Variants in DACH2 observed in about 807,000 individuals in gnomAD.
The protein encoded by DACH2 is dachshund homolog 2.
Under a neutral mutation model 35.8 loss-of-function variants are expected in DACH2, and 17 were observed. The observed-to-expected ratio is 0.48, with a 90% CI of 0.33 to 0.71. DACH2 has a LOEUF of 0.71. Among genes scored for constraint, DACH2 ranks in the 30% least tolerant of loss-of-function variants. DACH2 has a pLI of 0.02. For missense variants in DACH2, 469 were observed against 472.7 expected (o/e 0.99, Z 0.07); for synonymous variants, 195 against 177.3 (o/e 1.10, Z -0.79).
At chrX:86,153,735 G>T (rs772230077) in intron 1 of DACH2, among the ~76,000 whole-genome samples, 40 of 111,522 alleles carry the variant, frequency 3.6e-4, no homozygotes, top group Admixed American at 1.8e-3. Flanking sequence ...AATGATGTCA[G>T]GATTATAATT....
chrX:86,312,129 G>C (rs1013369127), intron 1 of DACH2, among the ~76,000 whole-genome samples: 3 of 112,040 alleles, frequency 2.7e-5, no homozygotes, highest in Non-Finnish European at 3.8e-5. Flanking sequence ...TTATGTACCG[G>C]CTGCAGAAAC....
At chrX:86,811,958 AAG>A (rs749445048) in intron 7 of DACH2, among the ~76,000 whole-genome samples, 1 of 112,142 alleles carries the variant, frequency 8.9e-6, no homozygotes. Flanking sequence ...ATAAAAATAA[AAG>A]AGAGAATAGA....
At chrX:86,577,408 A>G (rs1245614300) in intron 3 of DACH2, among the ~76,000 whole-genome samples, 1 of 111,575 alleles carries the variant, frequency 9.0e-6, no homozygotes, top group Non-Finnish European at 1.9e-5. Context: ...AAATTTTAAC[A>G]TTTAAAATTT....
At chrX:86,408,587 T>C (rs1258820422) in intron 2 of DACH2, among the ~76,000 whole-genome samples, 2 of 112,288 alleles carry the variant, frequency 1.8e-5, no homozygotes, top group Non-Finnish European at 3.8e-5. Context: ...GTTGCTTCAA[T>C]TGGAAATTTG....
At chrX:86,203,472 A>G (rs1178489686) in intron 1 of DACH2, among the ~76,000 whole-genome samples, 1 of 111,136 alleles carries the variant, frequency 9.0e-6, no homozygotes, top group Non-Finnish European at 1.9e-5. Context: ...AAATTGACTT[A>G]TTTATTTTTT....
At chrX:86,802,091 A>C (rs1360951517) in intron 7 of DACH2, among the ~76,000 whole-genome samples, 1 of 112,137 alleles carries the variant, frequency 8.9e-6, no homozygotes, top group East Asian at 2.8e-4. Context: ...TAGTTAAAAA[A>C]TATATTGTGA....
At chrX:86,556,756 G>GTGTATA (rs2039125753) in intron 3 of DACH2, among the ~76,000 whole-genome samples, 1 of 25,452 alleles carries the variant, frequency 3.9e-5, no homozygotes, top group East Asian at 1.7e-3. Context: ...AATAGGATAT[G>GTGTATA]TATATATATA....
chrX:86,828,761 A>T (rs892004576), intron 11 of DACH2: 8 of 110,062 alleles, frequency 7.3e-5, no homozygotes, highest in Non-Finnish European at 1.3e-4. Context: ...AGATCTGACC[A>T]TTGGCTGGGG....
chrX:86,445,138 T>A (rs1156560554), intron 2 of DACH2, among the ~76,000 whole-genome samples: 1 of 110,614 alleles, frequency 9.0e-6, no homozygotes, highest in Non-Finnish European at 1.9e-5. Flanking sequence ...TATTTCCTTT[T>A]TTTGAAGCAA....
At chrX:86,550,220 G>A (rs1483234800) in intron 3 of DACH2, among the ~76,000 whole-genome samples, 2 of 111,265 alleles carry the variant, frequency 1.8e-5, no homozygotes, top group South Asian at 3.7e-4. Context: ...CATATGAAAA[G>A]TATTCAAGCC....
chrX:86,556,758 A>G (rs1213739197), intron 3 of DACH2, among the ~76,000 whole-genome samples: 23 of 9,074 alleles, frequency 2.5e-3, no homozygotes, highest in Admixed American at 2.6e-3. Flanking sequence ...TAGGATATGT[A>G]TATATATATA....
chrX:86,760,964 G>T (rs768105227), intron 7 of DACH2, among the ~76,000 whole-genome samples: 1 of 111,401 alleles, frequency 9.0e-6, no homozygotes, highest in Non-Finnish European at 1.9e-5. Context: ...CAGTAGTGTA[G>T]TTTCTGTGTG....
At chrX:86,734,635 TGATTGTA>T (rs984183181) in intron 6 of DACH2, among the ~76,000 whole-genome samples, 11 of 111,467 alleles carry the variant, frequency 9.9e-5, no homozygotes, top group African/African-American at 3.6e-4. Flanking sequence ...GGTAAATTGG[TGATTGTA>T]GAACACAGAC....
chrX:86,465,526 G>A (rs1171197714), intron 2 of DACH2, among the ~76,000 whole-genome samples: 2 of 111,714 alleles, frequency 1.8e-5, no homozygotes, highest in Non-Finnish European at 3.8e-5. Flanking sequence ...TGACAATCTG[G>A]AAAAGATGTA....
chrX:86,446,458 T>A (rs113861211), intron 2 of DACH2, among the ~76,000 whole-genome samples: 2 of 48,180 alleles, frequency 4.2e-5, no homozygotes, highest in African/African-American at 8.6e-5. Context: ...CCCGACCCCA[T>A]CACAGTCCCC....
At chrX:86,780,439 C>CAATAAA (rs1431812262) in intron 7 of DACH2, among the ~76,000 whole-genome samples, 1 of 111,731 alleles carries the variant, frequency 9.0e-6, no homozygotes, top group East Asian at 2.8e-4. Context: ...CTAAGGAATA[C>CAATAAA]AATAAAAATA....
chrX:86,466,494 G>C lies in DACH2; in HGVS notation c.528-47785G>C, dbSNP rs2037670781. Among the ~76,000 whole-genome samples the C allele has an allele frequency of 2.7e-5, 3 of 110,916 alleles. No individual in the cohort carries two copies. The Admixed American group carries it at 2.9e-4, about 11-fold the overall frequency. On this transcript the variant is annotated intron_variant, in intron 2 of 11. Coordinates refer to ENST00000373125, the MANE Select transcript of DACH2 (RefSeq NM_053281.3). ...TCCGAATCTCAGGTCTCCCACTTCA[G>C]AACCAATCATGCTTCCCAACAGTCC...
intron 7 of DACH2, among the ~76,000 whole-genome samples, chrX:86,748,389 C>T (rs1229362132): frequency 8.9e-6 from 1 of 111,824 alleles, no homozygotes; most frequent in South Asian, 3.7e-4. Context: ...TAACGAAACT[C>T]GAAAGTCAAA....
At chrX:86,405,494 A>C (rs187246768) in intron 2 of DACH2, among the ~76,000 whole-genome samples, 1 of 111,511 alleles carries the variant, frequency 9.0e-6, no homozygotes, top group South Asian at 3.8e-4. Flanking sequence ...CTCAGCCTGA[A>C]CCTTATTGTG....
Sources: gnomAD v4.1 joint callset for allele counts (sites outside exome capture counted in the v4.1 genomes callset) on GRCh38, gnomAD v4.1.1 for gene constraint, MANE v1.5 for transcripts, NCBI Gene and HGNC (gene_info 2026-07-23, HGNC 2026-07-21) for gene names.